STAT5A: variants seen among roughly 807,000 people sequenced by gnomAD.
STAT5A encodes epididymis secretory sperm binding protein.
STAT5A carries 26 observed loss-of-function variants against 100.2 expected under a neutral mutation model. That is an observed-to-expected ratio of 0.26 (90% CI 0.19 to 0.36). The LOEUF (loss-of-function observed/expected upper bound fraction) is 0.36. STAT5A is among the 10% of genes least tolerant of loss of function. STAT5A has a pLI of 1.00. For synonymous variants in STAT5A, 330 were observed against 424.3 expected (o/e 0.78, Z 2.73); for missense variants, 634 against 1,027.5 (o/e 0.62, Z 5.24).
In STAT5A at chr17:42,289,410, C is replaced by A. The variant is rs1243096870; in HGVS notation, c.-2C>A. 4 of 1,608,502 alleles carry A rather than the reference C, an allele frequency of 2.5e-6. No homozygotes were observed. In the Admixed American group the frequency reaches 5.0e-5, roughly 20 times the overall value. On this transcript the variant is annotated 5_prime_UTR_variant, in exon 2 of 19. Coordinates refer to ENST00000590949, the MANE Select transcript of STAT5A (RefSeq NM_001288718.2). The stretch of plus-strand genomic sequence containing the variant: ...CGCTCGGCTCGCCCTAGGTGAACGG[C>A]CATGGCGGGCTGGATCCAGGCCCAG...
At chr17:42,297,376 G>A (rs189358011) in intron 5 of STAT5A, among the ~76,000 whole-genome samples, 8 of 152,228 alleles carry the variant, frequency 5.3e-5, no homozygotes, top group East Asian at 1.9e-4. Flanking sequence ...TTAGACTGTC[G>A]ACAGTATTTC....
rs2080914027 is a variant in STAT5A, at chr17:42,295,861, G to C, written c.550+68G>C. 9.6e-6 allele frequency: 15 copies of C among 1,569,684 alleles called. No homozygotes were observed. The Middle Eastern group carries it at 8.8e-4, about 92-fold the overall frequency. ...GAGGAACATTCTATGGACTCCTAGAGGGTAGAGCTGGGTCAGTGTCCATCT... is the reference window on the plus strand; with the variant it reads ...GAGGAACATTCTATGGACTCCTAGACGGTAGAGCTGGGTCAGTGTCCATCT... On this transcript the variant is annotated intron_variant, in intron 5 of 18. Coordinates refer to ENST00000590949, the MANE Select transcript of STAT5A (RefSeq NM_001288718.2).
Position 42,308,436 on chromosome 17 carries a change from C to T in STAT5A, c.2062+103C>T. ...CCGTGGGGACTTCCCCAGGAGGAGC[C>T]TAGGGGCCATGTCCCCTGTGGGTTT... On this transcript the variant is annotated intron_variant, in intron 16 of 18. Coordinates refer to ENST00000590949, the MANE Select transcript of STAT5A (RefSeq NM_001288718.2). This position sits in a 1 kb window ranked among gnomAD's most constrained non-coding sequence, Gnocchi z 4.6. The T allele has an allele frequency of 6.5e-7, 1 of 1,539,146 alleles. No homozygotes were observed. The highest frequency in any genetic ancestry group is 8.9e-7 in the Non-Finnish European group (1 of 1,128,968).
chr17:42,289,179 C>T, intron 1 of STAT5A: 1 of 458,194 alleles, frequency 2.2e-6, no homozygotes, highest in Non-Finnish European at 3.8e-6. Flanking sequence ...GCACCTGCCT[C>T]TGCAGAGCAC....
intron 5 of STAT5A, among the ~76,000 whole-genome samples, chr17:42,298,465 A>G (rs2080941203): frequency 7.5e-6 from 1 of 133,876 alleles, no homozygotes; most frequent in Non-Finnish European, 1.6e-5. Context: ...CTGGCACATG[A>G]TGGATACTTT....
At position 42,300,823 on chromosome 17, in the gene STAT5A, C is replaced by T. The variant is rs1386247691; in HGVS notation, c.942C>T (p.Ala314=). ...CCGGCCCAGTGGAGGAGATGCTGGCCGAGGTCAACGCCACCATCACGGACA... is the reference window on the plus strand; with the variant it reads ...CCGGCCCAGTGGAGGAGATGCTGGCTGAGGTCAACGCCACCATCACGGACA... The part of the protein sequence containing the change: ...PIPGPVEEML[A]EVNATITDII... The change falls in exon 8 of 19, where the codon GCC becomes GCT. Residue 314 remains alanine (A), a synonymous_variant. Coordinates refer to ENST00000590949, the MANE Select transcript of STAT5A (RefSeq NM_001288718.2). 3.1e-6 allele frequency: 5 copies of T among 1,612,168 alleles called. No individual in the cohort carries two copies. Among genetic ancestry groups the T allele is most frequent in the Non-Finnish European group, 2.5e-6 (3 of 1,179,120 alleles).
Position 42,295,632 on chromosome 17 carries a change from C to G in STAT5A, c.389C>G (p.Ala130Gly). The G allele has an allele frequency of 3.7e-6, 6 of 1,613,622 alleles. No homozygotes were observed. Among genetic ancestry groups the G allele is most frequent in the Non-Finnish European group, 5.1e-6 (6 of 1,179,826 alleles). Residue 130 changes from alanine (A) to glycine (G), a missense_variant, in exon 5 of 19, where the codon GCT becomes GGT. By Grantham distance (60) the Ala-to-Gly change is moderately conservative (BLOSUM62 0). Around this residue, in one of 5 missense-constraint regions of STAT5A, gnomAD observed 207 missense variants for 256.6 expected, o/e 0.81. Coordinates refer to ENST00000590949, the MANE Select transcript of STAT5A (RefSeq NM_001288718.2). Reference protein sequence around the residue: ...VREANNCSSPAGILVDAMSQK... With the variant: ...VREANNCSSPGGILVDAMSQK... ...ATCTGTCTCCAGTGCAGCTCTCCGGCTGGGATCCTGGTTGACGCCATGTCC... is the reference window on the plus strand; with the variant it reads ...ATCTGTCTCCAGTGCAGCTCTCCGGGTGGGATCCTGGTTGACGCCATGTCC...
Position 42,311,896 on chromosome 17 carries a change from ACAC to A in STAT5A, c.*1228_*1230del, listed in dbSNP as rs2081087085. 1 of 152,808 alleles carries A rather than the reference ACAC, an allele frequency of 6.5e-6. No individual in the cohort carries two copies. Among genetic ancestry groups the A allele is most frequent in the Non-Finnish European group, 1.5e-5 (1 of 68,052 alleles). 9.5% of individuals were successfully genotyped at this position (152,808 alleles called of 1,614,324 possible). A position where few individuals can be genotyped will look rare whatever the true frequency, so the allele number is the denominator to read the frequency against. The stretch of plus-strand genomic sequence containing the variant: ...TTTTTTTGTACTTTGTACAAAGACC[ACAC>A]ATTTGTGTAAACAGTGTTTTGGAAT... On this transcript the variant is annotated 3_prime_UTR_variant, in exon 19 of 19. Coordinates refer to ENST00000590949, the MANE Select transcript of STAT5A (RefSeq NM_001288718.2).
At chr17:42,309,515 G>A (rs1249500714) in intron 18 of STAT5A, 31 bp downstream of exon 18, 1 of 1,605,534 alleles carries the variant, frequency 6.2e-7, no homozygotes, top group South Asian at 1.1e-5. Context: ...GTCCGCAGGG[G>A]AAGAACTGGG....
At chr17:42,290,049 G>C (rs1427293451) in intron 3 of STAT5A, 27 bp downstream of exon 3, 1 of 1,577,130 alleles carries the variant, frequency 6.3e-7, no homozygotes, top group Non-Finnish European at 8.6e-7. Context: ...GGCCACCTAC[G>C]GGGAGGAAGC....
rs750909116 is a variant in STAT5A, at chr17:42,290,189, C to T, written c.285+167C>T. The T allele has an allele frequency of 4.4e-5, 46 of 1,056,328 alleles. No homozygotes were observed. In the African/African-American group the frequency reaches 5.2e-4, roughly 12 times the overall value. 65.4% of individuals were successfully genotyped at this position (1,056,328 alleles called of 1,614,324 possible). On this transcript the variant is annotated intron_variant, in intron 3 of 18. Coordinates refer to ENST00000590949, the MANE Select transcript of STAT5A (RefSeq NM_001288718.2). Reference sequence around the variant, plus strand: ...CCCCCTCTTTCTAAATTCGACCTGTCGGATTTCTTTAGCATATTGCAAAGC... The same window carrying T: ...CCCCCTCTTTCTAAATTCGACCTGTTGGATTTCTTTAGCATATTGCAAAGC...
At chr17:42,309,192 C>A (rs771371670) in intron 17 of STAT5A, 94 bp downstream of exon 17, 146 of 1,603,578 alleles carry the variant, frequency 9.1e-5, no homozygotes, top group Non-Finnish European at 1.2e-4. Flanking sequence ...GCTTTCCGCT[C>A]CCCCAGGGAA....
In STAT5A at chr17:42,304,323, AC is replaced by A. The variant is rs757567852; in HGVS notation, c.1170-13del. 3.1e-6 allele frequency: 5 copies of A among 1,612,070 alleles called. No individual in the cohort carries two copies. In the Admixed American group the frequency reaches 6.7e-5, roughly 21 times the overall value. ...GGCCTGGGGCCCATGTGGAGCTGGG[AC>A]CCCCCTCTCCTTTGCAGCGAGTGCA... On this transcript the variant is annotated intron_variant, in intron 9 of 18. Coordinates refer to ENST00000590949, the MANE Select transcript of STAT5A (RefSeq NM_001288718.2). This position sits in a 1 kb window ranked among gnomAD's most constrained non-coding sequence, Gnocchi z 4.8.
upstream of STAT5A, chr17:42,288,268 C>T (rs1419995433): frequency 1.3e-5 from 2 of 152,188 alleles, no homozygotes; most frequent in Admixed American, 6.5e-5. This position sits in a 1 kb window ranked among gnomAD's most constrained non-coding sequence, Gnocchi z 4.8. Flanking sequence ...CGAGGGCCTG[C>T]TGGGACTCCC....
At chr17:42,298,828 T>C (rs113585805) in intron 5 of STAT5A, among the ~76,000 whole-genome samples, 4,640 of 152,168 alleles carry the variant, frequency 0.03, 224 homozygotes, top group African/African-American at 0.099. Context: ...GCCTGACTTA[T>C]TCCCTGTCCC....
chr17:42,288,006 C>A (rs1423194699), upstream of STAT5A: 1 of 152,210 alleles, frequency 6.6e-6, no homozygotes, highest in East Asian at 1.9e-4. The surrounding 1 kb of genome is among the most constrained non-coding windows in gnomAD (Gnocchi z 4.8). Flanking sequence ...CACACATGCG[C>A]ACACACGCGC....
Position 42,304,790 on chromosome 17 carries a change from T to C in STAT5A, c.1380+138T>C. On this transcript the variant is annotated intron_variant, in intron 11 of 18. Coordinates refer to ENST00000590949, the MANE Select transcript of STAT5A (RefSeq NM_001288718.2). The surrounding 1 kb of genome is among the most constrained non-coding windows in gnomAD (Gnocchi z 4.8). Reference sequence around the variant, plus strand: ...GGTCCCTGTTTGATAGGTTATAATCTGGGACTAACCCAGACAATTTAGGCA... The same window carrying C: ...GGTCCCTGTTTGATAGGTTATAATCCGGGACTAACCCAGACAATTTAGGCA... 1.5e-6 allele frequency: 2 copies of C among 1,375,254 alleles called. No individual in the cohort carries two copies. Among genetic ancestry groups the C allele is most frequent in the South Asian group, 2.8e-5 (2 of 72,278 alleles). 85.2% of individuals were successfully genotyped at this position (1,375,254 alleles called of 1,614,324 possible).
intron 18 of STAT5A, 86 bp from the exon 19 acceptor site, chr17:42,310,421 G>A: frequency 6.8e-7 from 1 of 1,474,466 alleles, no homozygotes; most frequent in Non-Finnish European, 9.4e-7. Context: ...ACGGGTTTGA[G>A]TGGAGAGCAG....
chr17:42,306,121 TG>T (rs2081026540), intron 12 of STAT5A, 119 bp from the exon 13 acceptor site: 1 of 1,532,560 alleles, frequency 6.5e-7, no homozygotes, highest in Admixed American at 1.9e-5. Context: ...CTTGCATTTG[TG>T]TCACCTTTCT....
Sources: allele counts gnomAD v4.1 joint callset (sites outside exome capture counted in the v4.1 genomes callset), GRCh38; gene constraint gnomAD v4.1.1; regional missense constraint gnomAD v4.1.1; non-coding constraint Gnocchi (gnomAD v3.1); transcripts MANE v1.5; gene names NCBI Gene and HGNC (gene_info 2026-07-23, HGNC 2026-07-21).